ARID1A: variants seen among roughly 807,000 people sequenced by gnomAD.
The protein encoded by ARID1A is AT-rich interactive domain-containing protein 1A.
In ARID1A, 20 loss-of-function variants were observed where a neutral mutation model predicts 212.6. The ratio of observed to expected loss-of-function variants is 0.09; its 90% CI spans 0.07 to 0.14. ARID1A has a LOEUF of 0.14. Ranked by LOEUF, ARID1A falls within the 10% of genes least tolerant of loss-of-function variation. The probability of loss-of-function intolerance (pLI) is 1.00; values close to 1 mark genes in which losing one functional copy is unlikely to be tolerated. For synonymous variants in ARID1A, 1,376 were observed against 1,222.1 expected (o/e 1.13, Z -2.63); for missense variants, 2,587 against 3,059.0 (o/e 0.85, Z 3.64).
chr1:26,776,383 C>T (rs2124129459), intron 19 of ARID1A, among the ~76,000 whole-genome samples: 1 of 151,854 alleles, frequency 6.6e-6, no homozygotes, highest in South Asian at 2.1e-4. Context: ...ATGCCATTCT[C>T]CTGCCTCAGC....
intron 1 of ARID1A, among the ~76,000 whole-genome samples, chr1:26,703,113 T>G (rs1372645607): frequency 6.6e-6 from 1 of 152,230 alleles, no homozygotes; most frequent in Non-Finnish European, 1.5e-5. Context: ...CAGTTTTTAC[T>G]GGACTTCTGT....
chr1:26,753,695 C>G (rs1423246425), intron 4 of ARID1A, among the ~76,000 whole-genome samples: 2 of 152,202 alleles, frequency 1.3e-5, no homozygotes, highest in Non-Finnish European at 2.9e-5. Flanking sequence ...TGGAGGAGAA[C>G]AAACCCGGGA....
In ARID1A at chr1:26,697,301, A is replaced by T. The variant is rs2124744184; in HGVS notation, c.898A>T (p.Thr300Ser). 2 of 1,352,280 alleles carry T rather than the reference A, an allele frequency of 1.5e-6. No individual in the cohort carries two copies. The highest frequency in any genetic ancestry group is 1.9e-5 in the South Asian group (1 of 52,772). 83.8% of individuals were successfully genotyped at this position (1,352,280 alleles called of 1,614,324 possible). The change falls in exon 1 of 20, where the codon ACG (threonine) becomes TCG (serine). Residue 300 changes from threonine (T) to serine (S), a missense_variant. Physicochemically the swap from Thr to Ser is moderately conservative, Grantham distance 58 (BLOSUM62 1). Around this residue, in one of 11 missense-constraint regions of ARID1A, gnomAD observed 735 missense variants for 590.6 expected, o/e 1.24. Coordinates refer to ENST00000324856, the MANE Select transcript of ARID1A (RefSeq NM_006015.6). ...TATPTLNQLLTSPSSARGYQG... is the reference protein window; with the variant it reads ...TATPTLNQLLSSPSSARGYQG... The stretch of plus-strand genomic sequence containing the variant: ...CACCCCCACCCTCAACCAACTGCTC[A>T]CGTCGCCCAGCTCGGCCCGGGGCTA...
At chr1:26,761,513 C>G (rs372030303) in intron 6 of ARID1A, 40 bp downstream of exon 6, 9 of 1,603,184 alleles carry the variant, frequency 5.6e-6, no homozygotes, top group Non-Finnish European at 7.7e-6. Flanking sequence ...GGAGCTAGGG[C>G]AGACATTTGA....
intron 4 of ARID1A, among the ~76,000 whole-genome samples, chr1:26,753,950 G>A (rs2080906727): frequency 6.6e-6 from 1 of 152,078 alleles, no homozygotes; most frequent in Non-Finnish European, 1.5e-5. Context: ...GGGACTACAG[G>A]CACACGCCAC....
intron 4 of ARID1A, among the ~76,000 whole-genome samples, chr1:26,734,769 G>T (rs536218371): frequency 6.6e-6 from 1 of 152,194 alleles, no homozygotes; most frequent in Non-Finnish European, 1.5e-5. Flanking sequence ...TTCCCTACAA[G>T]AGCCCTCTCC....
rs148308730 is a variant in ARID1A at position 26,698,503 on chromosome 1, A to G, written c.1137+963A>G. Among the ~76,000 whole-genome samples the G allele has an allele frequency of 4.3e-3, 653 of 152,348 alleles. 2 individuals are homozygous for G. Among genetic ancestry groups the G allele is most frequent in the African/African-American group, 0.014 (586 of 41,586 alleles). ...ACTGTATCAGCAAGAGCAAAGCCTC[A>G]GACAGCCTGCCCTTGTTACATTGTG... On this transcript the variant is annotated intron_variant, in intron 1 of 19. Transcript: ENST00000324856.
chr1:26,735,137 G>T (rs1198655616), intron 4 of ARID1A, among the ~76,000 whole-genome samples: 11 of 144,942 alleles, frequency 7.6e-5, no homozygotes, highest in South Asian at 2.2e-4. Context: ...TTTTTTTTTG[G>T]GGGGAGAGAG....
chr1:26,696,412 G>T lies in ARID1A; in HGVS notation c.9G>T (p.Ala3=), dbSNP rs1376608214. 7.8e-7 allele frequency: 1 copy of T among 1,282,576 alleles called. No homozygotes were observed. Among genetic ancestry groups the T allele is most frequent in the South Asian group, 2.4e-5 (1 of 42,518 alleles). 79.4% of individuals were successfully genotyped at this position (1,282,576 alleles called of 1,614,324 possible). A position where few individuals can be genotyped will look rare whatever the true frequency, so the allele number is the denominator to read the frequency against. The change falls in exon 1 of 20, where the codon GCG becomes GCT. Residue 3 remains alanine, a synonymous_variant. Transcript: ENST00000324856. ...ACGAGACAGCGGGGATCATGGCCGC[G>T]CAGGTCGCCCCCGCCGCCGCCAGCA... MA[A]QVAPAAASSL...
chr1:26,766,890 C>T (rs1201775362), intron 10 of ARID1A, among the ~76,000 whole-genome samples: 2 of 152,182 alleles, frequency 1.3e-5, no homozygotes, highest in African/African-American at 2.4e-5. Context: ...GCCTCCTATA[C>T]TCAAGCATTG....
intron 1 of ARID1A, among the ~76,000 whole-genome samples, chr1:26,715,579 C>T (rs1439295049): frequency 6.6e-6 from 1 of 152,122 alleles, no homozygotes; most frequent in Admixed American, 6.5e-5. Context: ...ATGCAGTATA[C>T]CAGTGTGTCT....
intron 4 of ARID1A, chr1:26,753,194 TC>T (rs1194435921): frequency 1.3e-5 from 2 of 152,264 alleles, no homozygotes; most frequent in Non-Finnish European, 2.9e-5. Context: ...TTGCAGTTCT[TC>T]CTGTGAGAGT....
rs1347608539 is a variant in ARID1A at position 26,696,943 on chromosome 1, C to T, written c.540C>T (p.Gly180=). ...HQQHGGQQSP[G]LAALQSGGGG... ...AACATGGCGGACAACAAAGCCCTGG[C>T]CTGGCAGCGCTGCAGAGCGGCGGCG... is the stretch of plus-strand genomic sequence containing the variant. The change falls in exon 1 of 20, where the codon GGC becomes GGT. Residue 180 remains glycine (G), a synonymous_variant. Transcript: ENST00000324856. The T allele has an allele frequency of 4.1e-6, 6 of 1,453,694 alleles. No homozygotes were observed. The African/African-American group carries it at 4.5e-5, about 11-fold the overall frequency. The allele number at this position is 1,453,694 out of a possible 1,614,324, so 90.0% of individuals were successfully genotyped here.
In ARID1A at chr1:26,768,009, C is replaced by A. The variant is rs376389652; in HGVS notation, c.3198+10C>A. On this transcript the variant is annotated intron_variant, in intron 11 of 19. Transcript: ENST00000324856. ...TGGTGGATTGACTCAGGTGAGTGGGCGCCTGACACTTGACTGCCCCTGTGG... is the reference window on the plus strand; with the variant it reads ...TGGTGGATTGACTCAGGTGAGTGGGAGCCTGACACTTGACTGCCCCTGTGG... 5.6e-6 allele frequency: 9 copies of A among 1,612,558 alleles called. No homozygotes were observed. Among genetic ancestry groups the A allele is most frequent in the African/African-American group, 1.3e-5 (1 of 74,892 alleles).
At position 26,774,953 on chromosome 1, in the gene ARID1A, C is replaced by A. The variant is rs928335040; in HGVS notation, c.4726C>A (p.Pro1576Thr). ...CCCTCCATCTAACTACCAGCCCCCACCAAGCATGCAGAATCACATTCCTCA... is the reference window on the plus strand; with the variant it reads ...CCCTCCATCTAACTACCAGCCCCCAACAAGCATGCAGAATCACATTCCTCA... ...RPPPSNYQPP[P>T]SMQNHIPQVS... Residue 1576 changes from proline to threonine, a missense_variant, in exon 18 of 20, where the codon CCA (proline) becomes ACA (threonine). Pro to Thr is a conservative substitution (Grantham distance 38, BLOSUM62 -1). Transcript: ENST00000324856. The surrounding 1 kb of genome is among the most constrained non-coding windows in gnomAD (Gnocchi z 5.6). 2.8e-6 allele frequency: 4 copies of A among 1,448,004 alleles called. No individual in the cohort carries two copies. Among genetic ancestry groups the A allele is most frequent in the Non-Finnish European group, 3.7e-6 (4 of 1,085,978 alleles). The allele number at this position is 1,448,004 out of a possible 1,614,324, so 89.7% of individuals were successfully genotyped here.
chr1:26,749,536 C>G (rs190067007), intron 4 of ARID1A, among the ~76,000 whole-genome samples: 166 of 152,294 alleles, frequency 1.1e-3, no homozygotes, highest in African/African-American at 3.8e-3. Context: ...GCTACCACCA[C>G]AGGAATGCAA....
intron 1 of ARID1A, among the ~76,000 whole-genome samples, chr1:26,701,947 T>A (rs1420591985): frequency 6.6e-6 from 1 of 152,190 alleles, no homozygotes; most frequent in South Asian, 2.1e-4. Flanking sequence ...AAAGCAAGAC[T>A]TGAAAAATAG....
rs1473498643 is a variant in ARID1A at position 26,766,349 on chromosome 1, T to G, written c.2861T>G (p.Met954Arg). ...QGPPYSMGGT[M>R]ANNSAGMAAS... ...CCCCCATATTCCATGGGTGGAACCATGGCCAACAATTCTGCAGGTAAGTGC... is the reference window on the plus strand; with the variant it reads ...CCCCCATATTCCATGGGTGGAACCAGGGCCAACAATTCTGCAGGTAAGTGC... Residue 954 changes from methionine (M) to arginine (R), a missense_variant, in exon 9 of 20, where the codon ATG becomes AGG. Physicochemically the swap from Met to Arg is moderately conservative, Grantham distance 91. Transcript: ENST00000324856. 1 of 1,614,062 alleles carries G rather than the reference T, an allele frequency of 6.2e-7. No individual in the cohort carries two copies. The highest frequency in any genetic ancestry group is 1.3e-5 in the African/African-American group (1 of 74,914).
intron 2 of ARID1A, 97 bp downstream of exon 2, chr1:26,729,960 TGACAGGAATGTA>T: frequency 1.4e-6 from 2 of 1,409,318 alleles, no homozygotes; most frequent in African/African-American, 1.4e-5. Context: ...CCAAGCCTCT[TGACAGGAATGTA>T]GACCTGTTGG....
Sources: allele counts gnomAD v4.1 joint callset (sites outside exome capture counted in the v4.1 genomes callset), GRCh38; gene constraint gnomAD v4.1.1; regional missense constraint gnomAD v4.1.1; non-coding constraint Gnocchi (gnomAD v3.1); transcripts MANE v1.5; gene names NCBI Gene and HGNC (gene_info 2026-07-23, HGNC 2026-07-21).